Variants in DGKB observed in about 807,000 individuals in gnomAD.
The protein encoded by DGKB is diacylglycerol kinase beta, also known as 90 kDa diacylglycerol kinase.
A neutral mutation model predicts 114.3 loss-of-function variants in DGKB; 67 were observed. That is an observed-to-expected ratio of 0.59 (90% CI 0.48 to 0.72). DGKB has a LOEUF of 0.72. Ranked by LOEUF, DGKB falls within the 30% of genes least tolerant of loss-of-function variation. The probability of loss-of-function intolerance (pLI) is 0.00; values close to 1 mark genes in which losing one functional copy is unlikely to be tolerated. For missense variants in DGKB, 907 were observed against 975.2 expected (o/e 0.93, Z 0.93); for synonymous variants, 398 against 323.1 (o/e 1.23, Z -2.49).
At chr7:14,698,636 C>T (rs538304981) in intron 7 of DGKB, among the ~76,000 whole-genome samples, 4 of 152,176 alleles carry the variant, frequency 2.6e-5, no homozygotes, top group African/African-American at 7.2e-5. Context: ...GAATAATTTG[C>T]TCTTGAAAGA....
chr7:14,290,940 G>A (rs1386694800), intron 23 of DGKB, among the ~76,000 whole-genome samples: 1 of 151,692 alleles, frequency 6.6e-6, no homozygotes, highest in African/African-American at 2.4e-5. Context: ...TCAGGAGTTC[G>A]AGACAAGCCT....
At chr7:14,424,010 C>T (rs1038601751) in intron 21 of DGKB, among the ~76,000 whole-genome samples, 2 of 152,028 alleles carry the variant, frequency 1.3e-5, no homozygotes, top group Admixed American at 1.3e-4. Flanking sequence ...CTTTCAACAC[C>T]ATCACCTTAG....
chr7:14,940,461 T>C (rs777443673), intron 1 of DGKB, among the ~76,000 whole-genome samples: 20 of 152,112 alleles, frequency 1.3e-4, no homozygotes, highest in Non-Finnish European at 2.8e-4. Flanking sequence ...TTTTCTGGGA[T>C]AACATTTCAC....
chr7:14,222,633 T>C (rs567415798), intron 23 of DGKB, among the ~76,000 whole-genome samples: 37 of 151,594 alleles, frequency 2.4e-4, no homozygotes, highest in Admixed American at 2.3e-3. Context: ...AAATGTTATA[T>C]AGATATTTAT....
At chr7:14,194,615 G>A (rs1306444547) in intron 23 of DGKB, among the ~76,000 whole-genome samples, 1 of 152,048 alleles carries the variant, frequency 6.6e-6, no homozygotes, top group Non-Finnish European at 1.5e-5. Context: ...CTAAAAATGA[G>A]GGGTTAATAT....
chr7:14,697,806 GAGAA>G (rs1490659911), intron 8 of DGKB, among the ~76,000 whole-genome samples: 1 of 134,480 alleles, frequency 7.4e-6, no homozygotes, highest in Non-Finnish European at 1.6e-5. Flanking sequence ...AAGGAAGAAA[GAGAA>G]AGAAAGGAAA....
chr7:14,687,801 T>C (rs1477657221), intron 9 of DGKB, among the ~76,000 whole-genome samples: 1 of 152,214 alleles, frequency 6.6e-6, no homozygotes, highest in Non-Finnish European at 1.5e-5. Flanking sequence ...GCTTCATCCT[T>C]TGAAGAGCAC....
intron 21 of DGKB, among the ~76,000 whole-genome samples, chr7:14,350,984 T>G (rs1423187464): frequency 6.6e-6 from 1 of 152,156 alleles, no homozygotes; most frequent in African/African-American, 2.4e-5. Flanking sequence ...TTAAAATAAT[T>G]TTCTCATGGA....
chr7:14,768,116 A>C (rs1041030428), intron 2 of DGKB, among the ~76,000 whole-genome samples: 7 of 151,984 alleles, frequency 4.6e-5, no homozygotes, highest in Non-Finnish European at 2.9e-5. Flanking sequence ...ATTTGCTCAC[A>C]TACATATTTT....
intron 23 of DGKB, among the ~76,000 whole-genome samples, chr7:14,322,416 C>T (rs979835155): frequency 1.3e-5 from 2 of 152,052 alleles, no homozygotes; most frequent in African/African-American, 4.8e-5. Context: ...ATAAATACTG[C>T]TGGGTCAGTT....
chr7:14,890,101 A>G (rs577116791), intron 1 of DGKB, among the ~76,000 whole-genome samples: 1 of 151,580 alleles, frequency 6.6e-6, no homozygotes, highest in Non-Finnish European at 1.5e-5. Flanking sequence ...AGTTTTCATT[A>G]TCTTGCAAAG....
At chr7:14,553,252 C>G (rs1409562180) in intron 20 of DGKB, among the ~76,000 whole-genome samples, 3 of 152,188 alleles carry the variant, frequency 2.0e-5, no homozygotes, top group African/African-American at 7.2e-5. Flanking sequence ...TACCCTGTAT[C>G]TTTTCCTTCA....
intron 23 of DGKB, among the ~76,000 whole-genome samples, chr7:14,254,903 G>A (rs140065237): frequency 1.4e-3 from 210 of 152,084 alleles, no homozygotes; most frequent in African/African-American, 4.6e-3. Flanking sequence ...TCACAAATTC[G>A]GATTCATTCC....
chr7:14,765,768 T>C, intron 2 of DGKB, among the ~76,000 whole-genome samples: 1 of 152,006 alleles, frequency 6.6e-6, no homozygotes, highest in East Asian at 1.9e-4. Flanking sequence ...TCATCTATAC[T>C]ATAACTAAAA....
At chr7:14,805,014 G>A (rs1467673132) in intron 2 of DGKB, among the ~76,000 whole-genome samples, 1 of 151,804 alleles carries the variant, frequency 6.6e-6, no homozygotes, top group Non-Finnish European at 1.5e-5. Flanking sequence ...CATTCAATTG[G>A]TTTTATTAGT....
At position 14,760,079 on chromosome 7, in the gene DGKB, T is replaced by C. The variant is rs73064753; in HGVS notation, c.71-2348A>G. ...TCTTTGGCAAAATGTCTATTCAAGT[T>C]CTTTGACCATTTTTTAATTGGACGG... On this transcript the variant is annotated intron_variant, in intron 2 of 25. Coordinates refer to ENST00000402815, the MANE Select transcript of DGKB (RefSeq NM_001350709.2). Among the ~76,000 whole-genome samples the C allele has an allele frequency of 1.5e-3, 227 of 152,308 alleles. 1 individual carries two copies. In the Middle Eastern group the frequency reaches 0.02, roughly 14 times the overall value.
intron 5 of DGKB, among the ~76,000 whole-genome samples, chr7:14,732,043 G>A (rs796978870): frequency 2.0e-5 from 3 of 152,082 alleles, no homozygotes; most frequent in African/African-American, 7.2e-5. Context: ...ACATATTACA[G>A]TCAAACAAAA....
intron 17 of DGKB, among the ~76,000 whole-genome samples, chr7:14,590,209 T>C (rs138428308): frequency 1.2e-4 from 18 of 152,274 alleles, no homozygotes; most frequent in Non-Finnish European, 4.4e-5. Flanking sequence ...ATTGTTTAAA[T>C]TACTTTAGTA....
intron 4 of DGKB, among the ~76,000 whole-genome samples, chr7:14,739,726 G>T (rs1361241748): frequency 6.6e-6 from 1 of 152,168 alleles, no homozygotes; most frequent in African/African-American, 2.4e-5. Context: ...TTTTCTGAAG[G>T]CAGAGGAAAC....
Sources: gnomAD v4.1 joint callset for allele counts (sites outside exome capture counted in the v4.1 genomes callset) on GRCh38, gnomAD v4.1.1 for gene constraint, MANE v1.5 for transcripts, NCBI Gene and HGNC (gene_info 2026-07-23, HGNC 2026-07-21) for gene names.